GRIK2: variants seen among roughly 807,000 people sequenced by gnomAD.
GRIK2 encodes glutamate receptor ionotropic, kainate 2.
A neutral mutation model predicts 100.3 loss-of-function variants in GRIK2; 32 were observed. The ratio of observed to expected loss-of-function variants is 0.32; its 90% CI spans 0.24 to 0.43. The LOEUF (loss-of-function observed/expected upper bound fraction) is 0.43, where lower values mean the gene tolerates loss of function less well. Among genes scored for constraint, GRIK2 ranks in the 20% least tolerant of loss-of-function variants. GRIK2 has a pLI of 1.00. For synonymous variants in GRIK2, 417 were observed against 389.4 expected, an observed-to-expected ratio of 1.07 and a Z score of -0.83; for missense variants, 843 against 1,114.9, an observed-to-expected ratio of 0.76 and a Z score of 3.47.
intron 2 of GRIK2, among the ~76,000 whole-genome samples, chr6:101,443,423 G>A (rs1770192012): frequency 6.6e-6 from 1 of 152,040 alleles, no homozygotes; most frequent in South Asian, 2.1e-4. Flanking sequence ...GATAGAAAAA[G>A]CAGAATACAT....
intron 7 of GRIK2, among the ~76,000 whole-genome samples, chr6:101,770,160 C>G (rs186792050): frequency 6.6e-6 from 1 of 152,124 alleles, no homozygotes; most frequent in Non-Finnish European, 1.5e-5. Context: ...ACAAGTCTAT[C>G]GTTACTGCCT....
At chr6:101,973,015 C>T (rs1038099782) in intron 14 of GRIK2, among the ~76,000 whole-genome samples, 1 of 151,748 alleles carries the variant, frequency 6.6e-6, no homozygotes, top group East Asian at 1.9e-4. Context: ...CTTATGATCA[C>T]TTTGGCTCTC....
At chr6:101,523,981 C>T (rs933471697) in intron 2 of GRIK2, among the ~76,000 whole-genome samples, 5 of 152,162 alleles carry the variant, frequency 3.3e-5, no homozygotes, top group Non-Finnish European at 7.3e-5. Flanking sequence ...CTTGGCCTCC[C>T]ACAGTGCTGG....
chr6:101,683,949 A>G (rs1582954455), intron 6 of GRIK2, among the ~76,000 whole-genome samples: 2 of 152,224 alleles, frequency 1.3e-5, no homozygotes, highest in Admixed American at 1.3e-4. Flanking sequence ...TTCTTCATTA[A>G]CTTGAAATTC....
At chr6:102,015,610 G>A (rs1267715716) in intron 14 of GRIK2, among the ~76,000 whole-genome samples, 1 of 152,122 alleles carries the variant, frequency 6.6e-6, no homozygotes, top group Non-Finnish European at 1.5e-5. Context: ...CCAGCACCCT[G>A]GCACCCACTA....
intron 12 of GRIK2, among the ~76,000 whole-genome samples, chr6:101,921,171 A>G (rs1789466047): frequency 6.6e-6 from 1 of 152,076 alleles, no homozygotes; most frequent in Non-Finnish European, 1.5e-5. Flanking sequence ...GATTCAAAGG[A>G]TATTAAGCCT....
intron 7 of GRIK2, among the ~76,000 whole-genome samples, chr6:101,756,811 G>A (rs186688358): frequency 6.6e-6 from 1 of 152,230 alleles, no homozygotes; most frequent in Admixed American, 6.5e-5. Context: ...ATACAGAGTT[G>A]TCTTGTCTGC....
chr6:101,961,001 A>T (rs1001474830), intron 14 of GRIK2, among the ~76,000 whole-genome samples: 1 of 152,148 alleles, frequency 6.6e-6, no homozygotes, highest in African/African-American at 2.4e-5. Flanking sequence ...TCACCCTCAG[A>T]TACCCCAATG....
intron 7 of GRIK2, among the ~76,000 whole-genome samples, chr6:101,768,007 C>T (rs748656704): frequency 1.1e-4 from 17 of 151,830 alleles, no homozygotes; most frequent in Admixed American, 2.0e-4. Context: ...CACAGGCATG[C>T]GCTACCATGC....
At chr6:101,734,636 A>G (rs1002840545) in intron 7 of GRIK2, among the ~76,000 whole-genome samples, 1 of 152,162 alleles carries the variant, frequency 6.6e-6, no homozygotes, top group Admixed American at 6.5e-5. Context: ...GCCTAGAGGT[A>G]AAGACCTTGG....
At chr6:101,464,924 T>G (rs1562157208) in intron 2 of GRIK2, among the ~76,000 whole-genome samples, 1 of 152,162 alleles carries the variant, frequency 6.6e-6, no homozygotes, top group Non-Finnish European at 1.5e-5. Flanking sequence ...TATGGGGGAA[T>G]TGAATTAGAT....
At chr6:101,608,787 GTGT>G (rs1562258406) in intron 2 of GRIK2, among the ~76,000 whole-genome samples, 6 of 104,498 alleles carry the variant, frequency 5.7e-5, no homozygotes, top group African/African-American at 2.7e-4. Flanking sequence ...ATAGAGGGGT[GTGT>G]GTGTGTGTGT....
intron 2 of GRIK2, among the ~76,000 whole-genome samples, chr6:101,572,744 C>G (rs1777597259): frequency 2.2e-5 from 3 of 138,026 alleles, no homozygotes; most frequent in Admixed American, 2.1e-4. Flanking sequence ...TGTACTTGGC[C>G]TCAGTTTCTT....
At position 101,859,144 on chromosome 6, in the gene GRIK2, CATTA is replaced by C. The variant is rs1784601057; in HGVS notation, c.1318-138_1318-135del. On this transcript the variant is annotated intron_variant, in intron 10 of 16. Transcript: ENST00000369134. ...AATTTTCTTTTAATATTCTAGACTTCATTAATTATAATTAGAAGAAAATAAAGTT... is the reference window on the plus strand; with the variant it reads ...AATTTTCTTTTAATATTCTAGACTTCATTATAATTAGAAGAAAATAAAGTT... 3 of 570,344 alleles carry C rather than the reference CATTA, an allele frequency of 5.3e-6. No individual in the cohort carries two copies. In the East Asian group the frequency reaches 8.4e-5, roughly 16 times the overall value. 35.3% of individuals were successfully genotyped at this position (570,344 alleles called of 1,614,324 possible). A position where few individuals can be genotyped will look rare whatever the true frequency, so the allele number is the denominator to read the frequency against.
At chr6:101,850,490 A>C (rs938610212) in intron 10 of GRIK2, among the ~76,000 whole-genome samples, 49 of 152,180 alleles carry the variant, frequency 3.2e-4, no homozygotes, top group African/African-American at 1.1e-3. Context: ...CAGGGTTAAC[A>C]TATGAAAAAG....
intron 2 of GRIK2, among the ~76,000 whole-genome samples, chr6:101,420,627 C>T (rs1776368004): frequency 6.6e-6 from 1 of 152,102 alleles, no homozygotes; most frequent in African/African-American, 2.4e-5. Context: ...AGGTGAATCT[C>T]ATACCCACCA....
At chr6:101,548,686 T>C (rs958661357) in intron 2 of GRIK2, among the ~76,000 whole-genome samples, 1 of 152,164 alleles carries the variant, frequency 6.6e-6, no homozygotes, top group Non-Finnish European at 1.5e-5. Flanking sequence ...ATTGTCATCA[T>C]CATCACTGTA....
chr6:102,043,159 A>G (rs532351010), intron 15 of GRIK2, among the ~76,000 whole-genome samples: 2 of 151,904 alleles, frequency 1.3e-5, no homozygotes, highest in South Asian at 2.1e-4. Context: ...ATTTAAAAAA[A>G]TTTTTTAAAC....
At chr6:102,013,440 C>T (rs766295909) in intron 14 of GRIK2, among the ~76,000 whole-genome samples, 1 of 152,002 alleles carries the variant, frequency 6.6e-6, no homozygotes, top group Non-Finnish European at 1.5e-5. Context: ...TCTCATGCCA[C>T]ATTGCTCTTG....
Sources: gnomAD v4.1 joint callset for allele counts (sites outside exome capture counted in the v4.1 genomes callset) on GRCh38, gnomAD v4.1.1 for gene constraint, MANE v1.5 for transcripts, NCBI Gene and HGNC (gene_info 2026-07-23, HGNC 2026-07-21) for gene names.